The following RET variants were observed in gnomAD, a reference collection of about 807,000 sequenced individuals.
RET encodes proto-oncogene tyrosine-protein kinase receptor Ret.
In RET, 19 loss-of-function variants were observed where a neutral mutation model predicts 118.3. That is an observed-to-expected ratio of 0.16 (90% CI 0.11 to 0.24). The LOEUF is 0.24. RET is among the 10% of genes least tolerant of loss of function. The pLI, the probability that RET is intolerant of heterozygous loss-of-function variation, is 1.00. For synonymous variants in RET, 597 were observed against 644.1 expected, an observed-to-expected ratio of 0.93 and a Z score of 1.11; for missense variants, 1,219 against 1,502.1, an observed-to-expected ratio of 0.81 and a Z score of 3.12.
rs567112195 is a variant in RET, at chr10:43,077,099, G to T, written c.-160G>T. On this transcript the variant is annotated 5_prime_UTR_variant, in exon 1 of 20. Transcript: ENST00000355710. ...CGCGACCGAAGCAGGGCGCGCAGCA[G>T]CGCTGAGTGCCCCGGAACGTGCGTC... 506 of 1,072,410 alleles carry T rather than the reference G, an allele frequency of 4.7e-4. No homozygotes were observed. Among genetic ancestry groups the T allele is most frequent in the Admixed American group, 3.0e-3 (66 of 22,180 alleles). The allele number at this position is 1,072,410 out of a possible 1,614,324, so 66.4% of individuals were successfully genotyped here. A position where few individuals can be genotyped will look rare whatever the true frequency, so the allele number is the denominator to read the frequency against.
rs562500632 is a variant in RET, at chr10:43,124,772, C to G, written c.2940-111C>G. On this transcript the variant is annotated intron_variant, in intron 17 of 19. Coordinates refer to ENST00000355710, the MANE Select transcript of RET (RefSeq NM_020975.6). ...GCAGAAATAGCTTTGGAGTTGGAGA[C>G]AGAGCACACTGGGCCCAGGGTACAG... 369 of 1,044,318 alleles carry G rather than the reference C, an allele frequency of 3.5e-4. 5 individuals are homozygous for G. In the South Asian group the frequency reaches 4.5e-3, roughly 13 times the overall value. 64.7% of individuals were successfully genotyped at this position (1,044,318 alleles called of 1,614,324 possible).
chr10:43,104,972 T>G lies in RET; in HGVS notation c.646T>G (p.Cys216Gly). The G allele has an allele frequency of 6.4e-7, 1 of 1,573,652 alleles. No individual in the cohort carries two copies. Among genetic ancestry groups the G allele is most frequent in the Non-Finnish European group, 8.6e-7 (1 of 1,167,740 alleles). The change falls in exon 4 of 20, where the codon TGC (cysteine) becomes GGC (glycine). Residue 216 changes from cysteine (C) to glycine (G), a missense_variant. By Grantham distance (159) the Cys-to-Gly change is radical (BLOSUM62 -3). Around this residue, in one of 5 missense-constraint regions of RET, gnomAD observed 850 missense variants for 969.6 expected, o/e 0.88. Coordinates refer to ENST00000355710, the MANE Select transcript of RET (RefSeq NM_020975.6). The stretch of plus-strand genomic sequence containing the variant: ...CGCAGGTGAGGGTCTGCCCTTCCGC[T>G]GCGCCCCGGACAGCCTGGAGGTGAG... Reference protein sequence around the residue: ...LLEGEGLPFRCAPDSLEVSTR... With the variant: ...LLEGEGLPFRGAPDSLEVSTR...
Position 43,113,112 on chromosome 10 carries a change from G to A in RET, c.1759+149G>A. 4 of 749,240 alleles carry A rather than the reference G, an allele frequency of 5.3e-6. No homozygotes were observed. In the South Asian group the frequency reaches 5.9e-5, roughly 11 times the overall value. 46.4% of individuals were successfully genotyped at this position (749,240 alleles called of 1,614,324 possible). A position where few individuals can be genotyped will look rare whatever the true frequency, so the allele number is the denominator to read the frequency against. On this transcript the variant is annotated intron_variant, in intron 9 of 19. Transcript: ENST00000355710. ...TGCATTTCAGCATCACCCTAGCCAT[G>A]GGGAGGGAGCAGGCAGGGTCAGGGA...
Position 43,111,430 on chromosome 10 carries a change from C to T in RET, c.1487C>T (p.Ala496Val), listed in dbSNP as rs1356271817. 12 of 1,613,786 alleles carry T rather than the reference C, an allele frequency of 7.4e-6. No individual in the cohort carries two copies. The highest frequency in any genetic ancestry group is 1.0e-5 in the Non-Finnish European group (12 of 1,180,002). The change falls in exon 7 of 20, where the codon GCC (alanine) becomes GTC (valine). Residue 496 changes from alanine to valine, a missense_variant. Physicochemically the swap from Ala to Val is moderately conservative, Grantham distance 64. Transcript: ENST00000355710. Reference sequence around the variant, plus strand: ...ACCGACCAGCAGACCTCTAGGCAGGCCCAGGCCCAGCTGCTTGTAACAGTG... The same window carrying T: ...ACCGACCAGCAGACCTCTAGGCAGGTCCAGGCCCAGCTGCTTGTAACAGTG... ...VATDQQTSRQAQAQLLVTVEG... is the reference protein window; with the variant it reads ...VATDQQTSRQVQAQLLVTVEG...
At chr10:43,103,186 G>A (rs1006018477) in intron 3 of RET, among the ~76,000 whole-genome samples, 1 of 152,044 alleles carries the variant, frequency 6.6e-6, no homozygotes, top group Admixed American at 6.6e-5. Context: ...GGAGTGGCTT[G>A]CAGGGCTTTC....
intron 3 of RET, among the ~76,000 whole-genome samples, chr10:43,103,090 C>A (rs941834619): frequency 2.7e-4 from 41 of 152,176 alleles, no homozygotes; most frequent in African/African-American, 9.4e-4. Flanking sequence ...CACAGTGTGA[C>A]CCTCGTGTGC....
In RET at chr10:43,077,348, G is replaced by T. The variant is rs763327195; in HGVS notation, c.73+17G>T. ...TAGGCAAAGGTGAGTTCTGCCGGCC[G>T]CCGGCTCCCGCAGGGGCCAGGGCGA... On this transcript the variant is annotated intron_variant, in intron 1 of 19. Transcript: ENST00000355710. 1.8e-5 allele frequency: 27 copies of T among 1,504,560 alleles called. No homozygotes were observed. The South Asian group carries it at 3.2e-4, about 18-fold the overall frequency. 93.2% of individuals were successfully genotyped at this position (1,504,560 alleles called of 1,614,324 possible). A position where few individuals can be genotyped will look rare whatever the true frequency, so the allele number is the denominator to read the frequency against.
At position 43,129,810 on chromosome 10, in the gene RET, A is replaced by G; in HGVS notation, c.*1541A>G. The G allele has an allele frequency of 2.6e-6, 1 of 383,036 alleles. No individual in the cohort carries two copies. Among genetic ancestry groups the G allele is most frequent in the Non-Finnish European group, 4.6e-6 (1 of 218,130 alleles). 23.7% of individuals were successfully genotyped at this position (383,036 alleles called of 1,614,324 possible). A position where few individuals can be genotyped will look rare whatever the true frequency, so the allele number is the denominator to read the frequency against. The stretch of plus-strand genomic sequence containing the variant: ...CGCACACACCCAGAGGGAGAGTTTG[A>G]AAAATGCTTATTGGACACGTAACCT... On this transcript the variant is annotated 3_prime_UTR_variant, in exon 20 of 20. Coordinates refer to ENST00000355710, the MANE Select transcript of RET (RefSeq NM_020975.6).
chr10:43,080,810 G>A lies in RET; in HGVS notation c.73+3479G>A, dbSNP rs553648284. 9.2e-5 allele frequency among the ~76,000 whole-genome samples: 14 copies of A among 152,366 alleles called. No individual in the cohort carries two copies. The South Asian group carries it at 1.4e-3, about 16-fold the overall frequency. On this transcript the variant is annotated intron_variant, in intron 1 of 19. Coordinates refer to ENST00000355710, the MANE Select transcript of RET (RefSeq NM_020975.6). ...GCATGGCTGTGCCAGCAGAAGGGCCGACTGTGTGTGCTCTGTGGATGGCAG... is the reference window on the plus strand; with the variant it reads ...GCATGGCTGTGCCAGCAGAAGGGCCAACTGTGTGTGCTCTGTGGATGGCAG...
rs117926661 is a variant in RET, at chr10:43,093,895, C to T, written c.74-6564C>T. On this transcript the variant is annotated intron_variant, in intron 1 of 19. Coordinates refer to ENST00000355710, the MANE Select transcript of RET (RefSeq NM_020975.6). ...CAAGAAGAAGGCCAGGCGCAGGCTC[C>T]TGCTGGTGGGGGTGGGACACAGTGG... is the stretch of plus-strand genomic sequence containing the variant. Among the ~76,000 whole-genome samples the T allele has an allele frequency of 1.2e-3, 186 of 152,112 alleles. 1 individual carries two copies. The highest frequency in any genetic ancestry group is 2.5e-3 in the South Asian group (12 of 4,818).
At chr10:43,091,703 A>G (rs1293664840) in intron 1 of RET, among the ~76,000 whole-genome samples, 1 of 151,964 alleles carries the variant, frequency 6.6e-6, no homozygotes, top group Non-Finnish European at 1.5e-5. Context: ...TCTCCGAATA[A>G]GATTTACAGA....
intron 12 of RET, 138 bp from the exon 13 acceptor site, chr10:43,118,235 A>C (rs1207050073): frequency 2.8e-6 from 2 of 725,720 alleles, no homozygotes; most frequent in African/African-American, 3.5e-5. Context: ...GGCTGGGAGA[A>C]GCCTCAAGCA....
At chr10:43,099,686 C>T (rs1837594313) in intron 1 of RET, among the ~76,000 whole-genome samples, 1 of 152,232 alleles carries the variant, frequency 6.6e-6, no homozygotes, top group South Asian at 2.1e-4. Context: ...TGTGGCCCTT[C>T]CCAATCTGTC....
chr10:43,104,928 G>A (rs1239554581), intron 3 of RET, 24 bp from the exon 4 acceptor site: 1 of 1,550,122 alleles, frequency 6.5e-7, no homozygotes, highest in South Asian at 1.2e-5. Flanking sequence ...GATCACGCGG[G>A]GCCCCTGTCT....
chr10:43,096,085 G>A (rs1002641521), intron 1 of RET, among the ~76,000 whole-genome samples: 3 of 152,228 alleles, frequency 2.0e-5, no homozygotes, highest in Admixed American at 6.5e-5. Context: ...AGACACCTGT[G>A]TGCTAGGTTT....
chr10:43,107,559 TCACACACACACACACACACA>T (rs59876947), intron 5 of RET, among the ~76,000 whole-genome samples: 2 of 140,732 alleles, frequency 1.4e-5, no homozygotes, highest in Non-Finnish European at 3.1e-5. Context: ...CCCCCATGCC[TCACACACACACACACACACA>T]CACACACACA....
intron 8 of RET, 136 bp downstream of exon 8, chr10:43,112,360 C>G: frequency 1.5e-6 from 2 of 1,332,346 alleles, no homozygotes; most frequent in Admixed American, 2.0e-5. Flanking sequence ...CCATGTGGCT[C>G]TCGATGCCAG....
Position 43,106,317 on chromosome 10 carries a change from T to C in RET, c.868-59T>C. On this transcript the variant is annotated intron_variant, in intron 4 of 19. Coordinates refer to ENST00000355710, the MANE Select transcript of RET (RefSeq NM_020975.6). This position sits in a 1 kb window ranked among gnomAD's most constrained non-coding sequence, Gnocchi z 5.1. ...GTGCAGCATTCTAAGGTCTCTGGTT[T>C]TGGGGGGTCTGAGGGGCCCATCTCG... The C allele has an allele frequency of 5.2e-6, 8 of 1,532,074 alleles. No homozygotes were observed. The highest frequency in any genetic ancestry group is 7.1e-6 in the Non-Finnish European group (8 of 1,121,222). 94.9% of individuals were successfully genotyped at this position (1,532,074 alleles called of 1,614,324 possible). A position where few individuals can be genotyped will look rare whatever the true frequency, so the allele number is the denominator to read the frequency against.
intron 4 of RET, 79 bp downstream of exon 4, chr10:43,105,272 T>G: frequency 6.3e-7 from 1 of 1,596,538 alleles, no homozygotes; most frequent in Non-Finnish European, 8.5e-7. Flanking sequence ...TTAGTGTCCG[T>G]GTAGCCACCC....
Sources: gnomAD v4.1 joint callset for allele counts (sites outside exome capture counted in the v4.1 genomes callset) on GRCh38, gnomAD v4.1.1 for gene constraint, gnomAD v4.1.1 regional missense constraint, Gnocchi (gnomAD v3.1) non-coding constraint, MANE v1.5 for transcripts, NCBI Gene and HGNC (gene_info 2026-07-23, HGNC 2026-07-21) for gene names.